B4GALT1: variants seen among roughly 807,000 people sequenced by gnomAD.
The protein encoded by B4GALT1 is beta-1,4-galactosyltransferase 1, also known as N-acetyllactosamine synthase.
B4GALT1 carries 16 observed loss-of-function variants against 34.9 expected under a neutral mutation model. The ratio of observed to expected loss-of-function variants is 0.46; its 90% CI spans 0.31 to 0.70. The LOEUF (loss-of-function observed/expected upper bound fraction) is 0.70. Ranked by LOEUF, B4GALT1 falls within the 30% of genes least tolerant of loss-of-function variation. The probability of loss-of-function intolerance (pLI) is 0.05; values close to 1 mark genes in which losing one functional copy is unlikely to be tolerated. For missense variants in B4GALT1, 445 were observed against 530.5 expected (o/e 0.84, Z 1.58); for synonymous variants, 221 against 218.1 (o/e 1.01, Z -0.12).
intron 1 of B4GALT1, among the ~76,000 whole-genome samples, chr9:33,157,423 C>T (rs1587749484): frequency 3.3e-5 from 5 of 152,118 alleles, no homozygotes; most frequent in Middle Eastern, 3.4e-3. Context: ...AGATTATCGA[C>T]GATAGTGAAA....
rs886063862 is a variant in B4GALT1 at position 33,111,162 on chromosome 9, T to A, written c.*2292A>T. The stretch of plus-strand genomic sequence containing the variant: ...TGTGCCTTGGGCCCAGGTGAGCCCA[T>A]GAGAGCACTACGTCAGCAAATGGGG... On this transcript the variant is annotated 3_prime_UTR_variant, in exon 6 of 6. Transcript: ENST00000379731. The A allele has an allele frequency of 1.4e-5, 2 of 140,754 alleles. No homozygotes were observed. The highest frequency in any genetic ancestry group is 3.0e-5 in the Non-Finnish European group (2 of 66,442). 8.7% of individuals were successfully genotyped at this position (140,754 alleles called of 1,614,324 possible).
chr9:33,106,170 A>G (rs1436013256), downstream of B4GALT1, among the ~76,000 whole-genome samples: 1 of 152,126 alleles, frequency 6.6e-6, no homozygotes, highest in Non-Finnish European at 1.5e-5. Context: ...CTTTGCCAAC[A>G]CTTATTTTGT....
intron 1 of B4GALT1, among the ~76,000 whole-genome samples, chr9:33,153,160 T>C (rs1412029572): frequency 2.6e-5 from 4 of 152,174 alleles, no homozygotes; most frequent in Non-Finnish European, 4.4e-5. Flanking sequence ...CTGGCAAATA[T>C]ATAAAGGTTA....
At chr9:33,166,660 G>T in intron 1 of B4GALT1, 98 bp downstream of exon 1, 1 of 1,294,262 alleles carries the variant, frequency 7.7e-7, no homozygotes, top group Non-Finnish European at 1.0e-6. Flanking sequence ...GAGGCTGGCT[G>T]TCGTAGAAGA....
chr9:33,123,277 C>CA (rs72342632), intron 2 of B4GALT1, among the ~76,000 whole-genome samples: 35,231 of 85,106 alleles, frequency 0.41, 8,334 homozygotes, highest in Admixed American at 0.49. Context: ...GACACTGTCT[C>CA]AAAAAAAAAA....
intron 1 of B4GALT1, among the ~76,000 whole-genome samples, chr9:33,164,234 T>A (rs1840716117): frequency 6.6e-6 from 1 of 152,120 alleles, no homozygotes; most frequent in African/African-American, 2.4e-5. Flanking sequence ...ACCCCACGGA[T>A]GCTTTCTCCC....
At chr9:33,136,041 G>A (rs1040534725) in intron 1 of B4GALT1, among the ~76,000 whole-genome samples, 1 of 152,012 alleles carries the variant, frequency 6.6e-6, no homozygotes, top group African/African-American at 2.4e-5. Context: ...TCGATGGAAG[G>A]TGAACCAAGG....
the B4GALT1 span, among the ~76,000 whole-genome samples, chr9:33,177,754 G>A: frequency 1.3e-5 from 2 of 152,168 alleles, no homozygotes; most frequent in Non-Finnish European, 2.9e-5. Context: ...GTGGTTTTCT[G>A]CTTCACAGAG....
At chr9:33,170,077 C>T (rs1840826274), upstream of B4GALT1, among the ~76,000 whole-genome samples, 1 of 149,088 alleles carries the variant, frequency 6.7e-6, no homozygotes, top group African/African-American at 2.5e-5. Context: ...TCACGCCATT[C>T]TCCTGCCTCA....
At chr9:33,138,384 G>A (rs963625267) in intron 1 of B4GALT1, among the ~76,000 whole-genome samples, 3 of 152,090 alleles carry the variant, frequency 2.0e-5, no homozygotes, top group South Asian at 2.1e-4. Context: ...GTCTCAGAAC[G>A]CCCTGACGTG....
At chr9:33,137,932 G>C (rs2118172359) in intron 1 of B4GALT1, among the ~76,000 whole-genome samples, 1 of 152,312 alleles carries the variant, frequency 6.6e-6, no homozygotes, top group Non-Finnish European at 1.5e-5. Flanking sequence ...ATGAAGAAAA[G>C]ATCTGTCACA....
intron 2 of B4GALT1, among the ~76,000 whole-genome samples, chr9:33,134,314 T>C (rs908727826): frequency 2.6e-5 from 4 of 152,222 alleles, no homozygotes; most frequent in African/African-American, 4.8e-5. Context: ...TTGGGCCTTG[T>C]AGAAATGGGC....
At chr9:33,137,881 C>T (rs1196370736) in intron 1 of B4GALT1, among the ~76,000 whole-genome samples, 1 of 152,186 alleles carries the variant, frequency 6.6e-6, no homozygotes, top group Non-Finnish European at 1.5e-5. Flanking sequence ...TGGGCAAAGG[C>T]TACTGGGGGG....
At position 33,111,054 on chromosome 9, in the gene B4GALT1, C is replaced by T. The variant is rs1307681606; in HGVS notation, c.*2400G>A. The T allele has an allele frequency of 6.6e-6, 1 of 152,518 alleles. No homozygotes were observed. The highest frequency in any genetic ancestry group is 1.5e-5 in the Non-Finnish European group (1 of 68,104). The allele number at this position is 152,518 out of a possible 1,614,324, so 9.4% of individuals were successfully genotyped here. ...GAAAAGGAAATGCTCCCTGAACCCC[C>T]AGCCCTGAAATCCCCAGTAAGGAAA... is the stretch of plus-strand genomic sequence containing the variant. On this transcript the variant is annotated 3_prime_UTR_variant, in exon 6 of 6. Coordinates refer to ENST00000379731, the MANE Select transcript of B4GALT1 (RefSeq NM_001497.4).
At chr9:33,115,948 G>C (rs1297844649) in intron 4 of B4GALT1, 43 bp downstream of exon 4, 1 of 1,595,916 alleles carries the variant, frequency 6.3e-7, no homozygotes, top group Non-Finnish European at 8.6e-7. Flanking sequence ...AACTGGAAGT[G>C]AAGGTTGACA....
chr9:33,116,709 G>C lies in B4GALT1; in HGVS notation c.837-596C>G, dbSNP rs1009410740. On this transcript the variant is annotated intron_variant, in intron 3 of 5. Transcript: ENST00000379731. ...GGCTAATTTTTGTATTTTTAGTACAGATGGGGTTTCACCATATTGGTCAGG... is the reference window on the plus strand; with the variant it reads ...GGCTAATTTTTGTATTTTTAGTACACATGGGGTTTCACCATATTGGTCAGG... 2.0e-5 allele frequency among the ~76,000 whole-genome samples: 3 copies of C among 151,990 alleles called. No individual in the cohort carries two copies. The East Asian group carries it at 5.8e-4, about 29-fold the overall frequency.
At chr9:33,182,349 T>C in the B4GALT1 span, among the ~76,000 whole-genome samples, 2 of 152,210 alleles carry the variant, frequency 1.3e-5, no homozygotes, top group Admixed American at 6.5e-5. Flanking sequence ...GCTTAACTAA[T>C]TGCATCTGCA....
chr9:33,109,022 T>C (rs1247638253), downstream of B4GALT1, among the ~76,000 whole-genome samples: 1 of 152,192 alleles, frequency 6.6e-6, no homozygotes, highest in East Asian at 1.9e-4. Flanking sequence ...TCCCGGGTGA[T>C]AGGAACGTCT....
At position 33,167,111 on chromosome 9, in the gene B4GALT1, T is replaced by A; in HGVS notation, c.59A>T (p.Gln20Leu). ...GGCCACGAGCAGGCGGCAGGCCCGC[T>A]GTAGGGACGCGCCTGGCATCGCGGC... ...GSAAMPGASLQRACRLLVAVC... is the reference protein window; with the variant it reads ...GSAAMPGASLLRACRLLVAVC... Residue 20 changes from glutamine to leucine, a missense_variant, in exon 1 of 6, where the codon CAG (glutamine) becomes CTG (leucine). Transcript: ENST00000379731. 1 of 1,604,498 alleles carries A rather than the reference T, an allele frequency of 6.2e-7. No individual in the cohort carries two copies. Among genetic ancestry groups the A allele is most frequent in the Non-Finnish European group, 8.5e-7 (1 of 1,178,180 alleles).
Sources: gnomAD v4.1 joint callset for allele counts (sites outside exome capture counted in the v4.1 genomes callset) on GRCh38, gnomAD v4.1.1 for gene constraint, MANE v1.5 for transcripts, NCBI Gene and HGNC (gene_info 2026-07-23, HGNC 2026-07-21) for gene names.